TAF11: variants seen among roughly 807,000 people sequenced by gnomAD.
TAF11 encodes TATA-box binding protein associated factor 11.
TAF11 carries 10 observed loss-of-function variants against 23.0 expected under a neutral mutation model. The observed-to-expected ratio is 0.43, with a 90% confidence interval of 0.27 to 0.74. TAF11 has a LOEUF of 0.74. Ranked by LOEUF, TAF11 falls within the 30% of genes least tolerant of loss-of-function variation. The probability of loss-of-function intolerance (pLI) is 0.19; values close to 1 mark genes in which losing one functional copy is unlikely to be tolerated. For missense variants in TAF11, 196 were observed against 261.7 expected (o/e 0.75, Z 1.73); for synonymous variants, 85 against 95.8 (o/e 0.89, Z 0.66).
At chr6:34,882,414 C>G (rs1224857179) in intron 2 of TAF11, among the ~76,000 whole-genome samples, 2 of 151,638 alleles carry the variant, frequency 1.3e-5, no homozygotes, top group Admixed American at 1.3e-4. Flanking sequence ...GAGGCCGAGG[C>G]GGGCAGATCA....
chr6:34,887,458 TTTAGC>T (rs1268191125), intron 1 of TAF11, among the ~76,000 whole-genome samples: 1 of 152,120 alleles, frequency 6.6e-6, no homozygotes, highest in Admixed American at 6.5e-5. Flanking sequence ...AATCCTGGGT[TTTAGC>T]TCTTGCACTA....
Position 34,888,004 on chromosome 6 carries a change from C to T in TAF11, c.-47G>A, listed in dbSNP as rs1473339490. On this transcript the variant is annotated 5_prime_UTR_variant, in exon 1 of 5. Transcript: ENST00000361288. ...GAGGAGATCGCGGAGATGCCTGAGGCAGAAGCTCGGAAACCCGAGCTGCAC... is the reference window on the plus strand; with the variant it reads ...GAGGAGATCGCGGAGATGCCTGAGGTAGAAGCTCGGAAACCCGAGCTGCAC... The T allele has an allele frequency of 1.2e-6, 2 of 1,609,308 alleles. No homozygotes were observed. The highest frequency in any genetic ancestry group is 1.3e-5 in the African/African-American group (1 of 74,962).
At chr6:34,879,702 G>T (rs1001304935) in intron 4 of TAF11, 1 of 985,326 alleles carries the variant, frequency 1.0e-6, no homozygotes, top group Non-Finnish European at 1.2e-6. Flanking sequence ...AAAGTCCACT[G>T]CAGAAAATAC....
chr6:34,879,695 G>T (rs1766384029), intron 4 of TAF11: 2 of 985,256 alleles, frequency 2.0e-6, no homozygotes, highest in Admixed American at 1.2e-4. Context: ...AATGAGCAAA[G>T]TCCACTGCAG....
rs766909731 is a variant in TAF11 at position 34,887,969 on chromosome 6, T to C, written c.-12A>G. ...TGGGCATCGTCCATCACGGATAGGA[T>C]TGGAGGGGAGAGGAGATCGCGGAGA... On this transcript the variant is annotated 5_prime_UTR_variant, in exon 1 of 5. Coordinates refer to ENST00000361288, the MANE Select transcript of TAF11 (RefSeq NM_005643.4). 1.2e-6 allele frequency: 2 copies of C among 1,613,800 alleles called. No homozygotes were observed. The highest frequency in any genetic ancestry group is 1.7e-6 in the Non-Finnish European group (2 of 1,179,870).
Position 34,878,438 on chromosome 6 carries a change from T to A in TAF11, c.*152A>T. 1.5e-6 allele frequency: 1 copy of A among 646,176 alleles called. No homozygotes were observed. The highest frequency in any genetic ancestry group is 1.9e-5 in the South Asian group (1 of 54,030). 40.0% of individuals were successfully genotyped at this position (646,176 alleles called of 1,614,324 possible). ...TCAATCAGGCTACATACTTTCTAGG[T>A]GTGACAAATATCAGAGTTTTGAGAA... On this transcript the variant is annotated 3_prime_UTR_variant, in exon 5 of 5. Transcript: ENST00000361288.
At chr6:34,883,820 G>A (rs1218336371) in intron 1 of TAF11, among the ~76,000 whole-genome samples, 1 of 152,142 alleles carries the variant, frequency 6.6e-6, no homozygotes, top group Non-Finnish European at 1.5e-5. Flanking sequence ...TGAAAAAAAG[G>A]TCAGCTTCAC....
Position 34,887,886 on chromosome 6 carries a change from C to T in TAF11, c.72G>A (p.Val24=), listed in dbSNP as rs1245072329. 6.2e-7 allele frequency: 1 copy of T among 1,614,106 alleles called. No individual in the cohort carries two copies. Among genetic ancestry groups the T allele is most frequent in the Non-Finnish European group, 8.5e-7 (1 of 1,180,040 alleles). ...ETGESDETAA[V]PGDPGATDTD... is the part of the protein sequence containing the mutation. ...TGTCGGTAGCCCCCGGGTCCCCGGG[C>T]ACAGCGGCCGTCTCATCCGACTCCC... Residue 24 remains valine (V), a synonymous_variant, in exon 1 of 5, where the codon GTG becomes GTA. Transcript: ENST00000361288.
intron 2 of TAF11, among the ~76,000 whole-genome samples, chr6:34,881,184 G>A (rs1267470225): frequency 6.6e-6 from 1 of 152,052 alleles, no homozygotes; most frequent in Non-Finnish European, 1.5e-5. Context: ...AATGTCAAAA[G>A]TAAAAATACC....
At chr6:34,879,307 C>G (rs1199902217) in intron 4 of TAF11, 1 of 842,608 alleles carries the variant, frequency 1.2e-6, no homozygotes, top group Non-Finnish European at 1.4e-6. Flanking sequence ...CCTTTGAGCC[C>G]AGGAGTTTGA....
At position 34,878,545 on chromosome 6, in the gene TAF11, C is replaced by A; in HGVS notation, c.*45G>T. On this transcript the variant is annotated 3_prime_UTR_variant, in exon 5 of 5. Coordinates refer to ENST00000361288, the MANE Select transcript of TAF11 (RefSeq NM_005643.4). ...AGACAGTCTTATAGGAAGTCTGGAA[C>A]CAATACTTCTTCCGTCAGTAACATA... 9.4e-7 allele frequency: 1 copy of A among 1,062,368 alleles called. No individual in the cohort carries two copies. Among genetic ancestry groups the A allele is most frequent in the Non-Finnish European group, 1.5e-6 (1 of 677,170 alleles). The allele number at this position is 1,062,368 out of a possible 1,614,324, so 65.8% of individuals were successfully genotyped here.
chr6:34,883,204 G>T, intron 1 of TAF11, 124 bp from the exon 2 acceptor site: 2 of 918,650 alleles, frequency 2.2e-6, no homozygotes, highest in Non-Finnish European at 3.3e-6. Flanking sequence ...TCAGTTCTAG[G>T]CACTGACTGT....
At chr6:34,886,678 C>T (rs945333226) in intron 1 of TAF11, among the ~76,000 whole-genome samples, 1 of 151,940 alleles carries the variant, frequency 6.6e-6, no homozygotes, top group Non-Finnish European at 1.5e-5. Context: ...GTTGGCCAGG[C>T]TGGTCTCAAA....
chr6:34,879,501 T>C (rs1169498468), intron 4 of TAF11: 1 of 975,458 alleles, frequency 1.0e-6, no homozygotes, highest in Non-Finnish European at 1.2e-6. Context: ...TAAAAGTATA[T>C]ATCTCCTGCT....
At chr6:34,886,592 A>T (rs992457476) in intron 1 of TAF11, among the ~76,000 whole-genome samples, 3 of 151,560 alleles carry the variant, frequency 2.0e-5, no homozygotes, top group African/African-American at 7.3e-5. Flanking sequence ...CAGCCTCCTA[A>T]GTAGCCGGGA....
In TAF11 at chr6:34,878,689, CATTTCTCCCCACTTCT is replaced by C; in HGVS notation, c.521_536del (p.Glu174GlyfsTer9). On this transcript the variant is annotated frameshift_variant, in exon 5 of 5. Transcript: ENST00000361288. LOFTEE classifies it high-confidence loss of function. ...TCATATGTTTGGGTTGTAGTGGTGG[CATTTCTCCCCACTTCT>C]CACACACATCCAGTGCTAAACAGAG... The C allele has an allele frequency of 6.2e-7, 1 of 1,614,120 alleles. No homozygotes were observed. Among genetic ancestry groups the C allele is most frequent in the Non-Finnish European group, 8.5e-7 (1 of 1,180,018 alleles).
In TAF11 at chr6:34,878,546, C is replaced by T. The variant is rs145732047; in HGVS notation, c.*44G>A. ...GACAGTCTTATAGGAAGTCTGGAAC[C>T]AATACTTCTTCCGTCAGTAACATAG... On this transcript the variant is annotated 3_prime_UTR_variant, in exon 5 of 5. Transcript: ENST00000361288. The T allele has an allele frequency of 1.5e-4, 161 of 1,073,604 alleles. No individual in the cohort carries two copies. The African/African-American group carries it at 2.3e-3, about 15-fold the overall frequency. The allele number at this position is 1,073,604 out of a possible 1,614,324, so 66.5% of individuals were successfully genotyped here. A position where few individuals can be genotyped will look rare whatever the true frequency, so the allele number is the denominator to read the frequency against.
rs376841449 is a variant in TAF11, at chr6:34,877,937, G to A, written c.*653C>T. The stretch of plus-strand genomic sequence containing the variant: ...TGGTTGTTTCATCTACTTAAAACCA[G>A]ATATAAGAAACAACCTAAGTCTTAG... On this transcript the variant is annotated 3_prime_UTR_variant, in exon 5 of 5. Transcript: ENST00000361288. 3.9e-5 allele frequency: 6 copies of A among 152,266 alleles called. No homozygotes were observed. Among genetic ancestry groups the A allele is most frequent in the African/African-American group, 1.4e-4 (6 of 41,542 alleles). The allele number at this position is 152,266 out of a possible 1,614,324, so 9.4% of individuals were successfully genotyped here.
intron 4 of TAF11, chr6:34,879,409 T>A (rs948358073): frequency 1.5e-4 from 146 of 956,296 alleles, no homozygotes; most frequent in Non-Finnish European, 1.8e-4. Context: ...TAAAAAATAT[T>A]AAAAAAAATA....
Sources: gnomAD v4.1 joint callset for allele counts (sites outside exome capture counted in the v4.1 genomes callset) on GRCh38, gnomAD v4.1.1 for gene constraint, MANE v1.5 for transcripts, NCBI Gene and HGNC (gene_info 2026-07-23, HGNC 2026-07-21) for gene names.